The following ADGRB3 variants were observed in gnomAD, a reference collection of about 807,000 sequenced individuals.
ADGRB3 encodes brain-specific angiogenesis inhibitor 3.
A neutral mutation model predicts 193.4 loss-of-function variants in ADGRB3; 37 were observed. The observed-to-expected ratio is 0.19, with a 90% CI of 0.15 to 0.25. The LOEUF (loss-of-function observed/expected upper bound fraction) is 0.25, where lower values mean the gene tolerates loss of function less well. ADGRB3 is among the 10% of genes least tolerant of loss of function. The probability of loss-of-function intolerance (pLI) is 1.00; values close to 1 mark genes in which losing one functional copy is unlikely to be tolerated. For missense variants in ADGRB3, 1,637 were observed against 1,852.9 expected (o/e 0.88, Z 2.14); for synonymous variants, 690 against 644.2 (o/e 1.07, Z -1.08).
chr6:68,746,164 G>A (rs1582167618), intron 3 of ADGRB3, among the ~76,000 whole-genome samples: 1 of 151,764 alleles, frequency 6.6e-6, no homozygotes, highest in African/African-American at 2.4e-5. Context: ...TCTTGCCAAC[G>A]TTGCCTAATA....
At chr6:69,326,317 G>A (rs1276368883) in intron 21 of ADGRB3, among the ~76,000 whole-genome samples, 3 of 152,106 alleles carry the variant, frequency 2.0e-5, no homozygotes, top group East Asian at 1.9e-4. Context: ...CCTGACAAAG[G>A]CCTTCTAAAG....
chr6:68,641,547 T>C (rs1768082662), intron 3 of ADGRB3, among the ~76,000 whole-genome samples: 1 of 152,192 alleles, frequency 6.6e-6, no homozygotes, highest in South Asian at 2.1e-4. Context: ...TAGAAAAAGT[T>C]TGTATCATAG....
intron 17 of ADGRB3, among the ~76,000 whole-genome samples, chr6:69,195,790 T>C (rs1174652861): frequency 6.6e-6 from 1 of 152,184 alleles, no homozygotes; most frequent in Non-Finnish European, 1.5e-5. Flanking sequence ...CCTTTCTGTC[T>C]CTCTGGCCTA....
At chr6:68,914,729 C>A (rs1351520156) in intron 3 of ADGRB3, among the ~76,000 whole-genome samples, 1 of 152,054 alleles carries the variant, frequency 6.6e-6, no homozygotes, top group Non-Finnish European at 1.5e-5. Flanking sequence ...GGCAAAATTT[C>A]AAAGGTATGT....
intron 16 of ADGRB3, among the ~76,000 whole-genome samples, chr6:69,074,033 G>A (rs1293728143): frequency 1.3e-5 from 2 of 151,926 alleles, no homozygotes; most frequent in African/African-American, 2.4e-5. Flanking sequence ...TCAAAACTTC[G>A]GAGGTTTATT....
rs767726589 is a variant in ADGRB3 at position 69,235,231 on chromosome 6, AT to A, written c.2711+99del. The A allele has an allele frequency of 2.2e-4, 214 of 959,700 alleles. 1 individual carries two copies. The highest frequency in any genetic ancestry group is 2.1e-3 in the Admixed American group (93 of 44,600). 59.4% of individuals were successfully genotyped at this position (959,700 alleles called of 1,614,324 possible). ...TTATTAAATGTCTCCTGTCTTCTTA[AT>A]TTACTGAAAGCAGTATTTTTACAAC... On this transcript the variant is annotated intron_variant, in intron 19 of 31. Coordinates refer to ENST00000370598, the MANE Select transcript of ADGRB3 (RefSeq NM_001704.3).
intron 8 of ADGRB3, among the ~76,000 whole-genome samples, chr6:68,959,906 A>T (rs1288759019): frequency 6.6e-6 from 1 of 152,174 alleles, no homozygotes; most frequent in Non-Finnish European, 1.5e-5. Context: ...TCAGGCTTTG[A>T]AGGTTAAAAT....
intron 3 of ADGRB3, among the ~76,000 whole-genome samples, chr6:68,923,422 G>T (rs1483954393): frequency 6.6e-6 from 1 of 151,844 alleles, no homozygotes; most frequent in Admixed American, 6.6e-5. Context: ...AGTGTTTTAT[G>T]AAAAAAGAAG....
At chr6:68,694,562 G>A (rs1309499671) in intron 3 of ADGRB3, among the ~76,000 whole-genome samples, 1 of 151,916 alleles carries the variant, frequency 6.6e-6, no homozygotes, top group Non-Finnish European at 1.5e-5. Context: ...CTGCTGAGAT[G>A]TCCATTATCC....
intron 20 of ADGRB3, among the ~76,000 whole-genome samples, chr6:69,310,638 C>T (rs913914891): frequency 1.3e-5 from 2 of 151,708 alleles, no homozygotes; most frequent in African/African-American, 4.8e-5. Flanking sequence ...CCATTCTAAA[C>T]ACAGGTGTAT....
chr6:69,087,510 T>A (rs1024562508), intron 17 of ADGRB3, among the ~76,000 whole-genome samples: 4 of 152,152 alleles, frequency 2.6e-5, no homozygotes, highest in African/African-American at 9.6e-5. Flanking sequence ...AGCTTGCTTA[T>A]CACTTCTGAC....
At chr6:68,837,128 C>A (rs1344713970) in intron 3 of ADGRB3, among the ~76,000 whole-genome samples, 3 of 152,132 alleles carry the variant, frequency 2.0e-5, no homozygotes, top group African/African-American at 7.2e-5. Flanking sequence ...ATCATGCACA[C>A]CCCAAACCAG....
At chr6:69,363,491 G>T (rs1043396382) in intron 29 of ADGRB3, among the ~76,000 whole-genome samples, 2 of 152,002 alleles carry the variant, frequency 1.3e-5, no homozygotes, top group African/African-American at 4.8e-5. Flanking sequence ...CCATGCAAGG[G>T]ATAAGTTGTT....
chr6:69,222,759 A>G (rs894882456), intron 17 of ADGRB3, among the ~76,000 whole-genome samples: 1 of 152,142 alleles, frequency 6.6e-6, no homozygotes, highest in Admixed American at 6.6e-5. Flanking sequence ...GGTACAAAAC[A>G]TTTTCAGCTG....
chr6:68,995,475 T>G (rs748851261), intron 11 of ADGRB3, among the ~76,000 whole-genome samples: 1 of 152,346 alleles, frequency 6.6e-6, no homozygotes, highest in South Asian at 2.1e-4. Flanking sequence ...ATATTTTGAC[T>G]GAGCTACTTA....
intron 26 of ADGRB3, among the ~76,000 whole-genome samples, chr6:69,344,265 C>G (rs1213913905): frequency 1.3e-5 from 2 of 152,194 alleles, no homozygotes; most frequent in Non-Finnish European, 2.9e-5. Flanking sequence ...CCTCTTTTCT[C>G]TTTCCCAAGC....
At chr6:68,876,889 A>T (rs579773) in intron 3 of ADGRB3, among the ~76,000 whole-genome samples, 1 of 151,666 alleles carries the variant, frequency 6.6e-6, no homozygotes, top group East Asian at 1.9e-4. Context: ...GCTCTTACTG[A>T]TTTTTTTCAA....
At chr6:69,163,783 A>C (rs1381748200) in intron 17 of ADGRB3, among the ~76,000 whole-genome samples, 1 of 152,168 alleles carries the variant, frequency 6.6e-6, no homozygotes, top group African/African-American at 2.4e-5. Flanking sequence ...ATACAGAATT[A>C]TCTTGCATTC....
chr6:68,640,268 G>T (rs1170848539), intron 3 of ADGRB3, among the ~76,000 whole-genome samples: 1 of 152,164 alleles, frequency 6.6e-6, no homozygotes, highest in African/African-American at 2.4e-5. Context: ...AGAGCTAGCT[G>T]GGGGAAAGGA....
Sources: gnomAD v4.1 joint callset for allele counts (sites outside exome capture counted in the v4.1 genomes callset) on GRCh38, gnomAD v4.1.1 for gene constraint, MANE v1.5 for transcripts, NCBI Gene and HGNC (gene_info 2026-07-23, HGNC 2026-07-21) for gene names.